The following LRFN2 variants were observed in gnomAD, a reference collection of about 807,000 sequenced individuals.
LRFN2 encodes leucine rich repeat and fibronectin type III domain containing 2.
In LRFN2, 18 loss-of-function variants were observed where a neutral mutation model predicts 37.3. The ratio of observed to expected loss-of-function variants is 0.48; its 90% CI spans 0.33 to 0.72. The LOEUF is 0.72. Ranked by LOEUF, LRFN2 falls within the 30% of genes least tolerant of loss-of-function variation. The pLI is 0.02. For missense variants in LRFN2, 1,006 were observed against 1,060.7 expected (o/e 0.95, Z 0.72); for synonymous variants, 556 against 466.6 (o/e 1.19, Z -2.47).
At chr6:40,544,505 G>A (rs768225698) in intron 1 of LRFN2, among the ~76,000 whole-genome samples, 3 of 152,152 alleles carry the variant, frequency 2.0e-5, no homozygotes, top group Non-Finnish European at 2.9e-5. Context: ...GGGTACTTGA[G>A]CGGCCACAGA....
intron 2 of LRFN2, among the ~76,000 whole-genome samples, chr6:40,424,927 C>T (rs954954645): frequency 7.9e-5 from 12 of 152,346 alleles, no homozygotes; most frequent in Middle Eastern, 3.4e-3. Context: ...TTTTCTCCAC[C>T]CCACAGTAGA....
chr6:40,450,366 G>A (rs1330082269), intron 1 of LRFN2, among the ~76,000 whole-genome samples: 2 of 152,242 alleles, frequency 1.3e-5, no homozygotes, highest in Non-Finnish European at 2.9e-5. Flanking sequence ...TTGGGAGAGA[G>A]GAGTGAAGGC....
chr6:40,484,248 C>G (rs539768908), intron 1 of LRFN2, among the ~76,000 whole-genome samples: 52 of 152,292 alleles, frequency 3.4e-4, no homozygotes, highest in Non-Finnish European at 5.9e-4. Context: ...AGTGTGGTGC[C>G]GATCCAGGAG....
At chr6:40,477,690 C>T (rs558828468) in intron 1 of LRFN2, among the ~76,000 whole-genome samples, 3 of 152,260 alleles carry the variant, frequency 2.0e-5, no homozygotes, top group East Asian at 3.9e-4. Flanking sequence ...GCTAAGCAGC[C>T]AGCTTTGGGC....
intron 2 of LRFN2, among the ~76,000 whole-genome samples, chr6:40,400,401 T>A (rs1278312986): frequency 1.3e-5 from 2 of 150,234 alleles, no homozygotes; most frequent in Non-Finnish European, 3.0e-5. Context: ...TGAGGACATC[T>A]TTCTGGAGAG....
At chr6:40,545,834 C>T (rs1183553535) in intron 1 of LRFN2, among the ~76,000 whole-genome samples, 1 of 152,130 alleles carries the variant, frequency 6.6e-6, no homozygotes, top group Non-Finnish European at 1.5e-5. Flanking sequence ...CTGCCAACAT[C>T]CTTTGGCCCA....
intron 1 of LRFN2, among the ~76,000 whole-genome samples, chr6:40,472,739 T>C (rs1296865531): frequency 6.6e-6 from 1 of 152,084 alleles, no homozygotes; most frequent in African/African-American, 2.4e-5. Flanking sequence ...ATACCCTTTC[T>C]CCCCAGGCCT....
chr6:40,415,265 G>T lies in LRFN2; in HGVS notation c.1400+16449C>A, dbSNP rs60489023. 1.6e-3 allele frequency among the ~76,000 whole-genome samples: 236 copies of T among 151,840 alleles called. 3 individuals are homozygous for T. Among genetic ancestry groups the T allele is most frequent in the African/African-American group, 5.1e-3 (212 of 41,378 alleles). ...GTTTGAGACAGAGTCTTGCTTTGTC[G>T]CCTAGGCTGGAATGCAATGGTGCAA... On this transcript the variant is annotated intron_variant, in intron 2 of 2. Transcript: ENST00000338305.
At chr6:40,424,034 A>C (rs1763289960) in intron 2 of LRFN2, among the ~76,000 whole-genome samples, 2 of 152,146 alleles carry the variant, frequency 1.3e-5, no homozygotes, top group South Asian at 4.1e-4. Flanking sequence ...TGTTCATCCT[A>C]ATCACTACCC....
chr6:40,432,786 T>G lies in LRFN2; in HGVS notation c.328A>C (p.Asn110His). 1 of 1,614,192 alleles carries G rather than the reference T, an allele frequency of 6.2e-7. No homozygotes were observed. The highest frequency in any genetic ancestry group is 8.5e-7 in the Non-Finnish European group (1 of 1,180,024). ...TCCTCCCCAAGGCTTGGCAGCCGAT[T>G]GCTGTCAAGATGCAGGGAGCGGAGG... Reference protein sequence around the residue: ...ESLRSLHLDSNRLPSLGEDTL... With the variant: ...ESLRSLHLDSHRLPSLGEDTL... Residue 110 changes from asparagine (N) to histidine (H), a missense_variant, in exon 2 of 3, where the codon AAT becomes CAT. Around this residue, in one of 4 missense-constraint regions of LRFN2, gnomAD observed 185 missense variants for 254.9 expected, o/e 0.73. Transcript: ENST00000338305.
intron 1 of LRFN2, among the ~76,000 whole-genome samples, chr6:40,487,653 G>C (rs1400413777): frequency 1.3e-5 from 2 of 152,252 alleles, no homozygotes; most frequent in African/African-American, 4.8e-5. Context: ...CTGTGAAACT[G>C]ATGGGGGAAA....
intron 1 of LRFN2, among the ~76,000 whole-genome samples, chr6:40,577,539 C>T (rs919550673): frequency 2.7e-5 from 4 of 149,342 alleles, no homozygotes; most frequent in African/African-American, 9.9e-5. Flanking sequence ...CCCACTAACT[C>T]GTCATCTAGC....
chr6:40,413,524 C>T (rs900929439), intron 2 of LRFN2, among the ~76,000 whole-genome samples: 5 of 152,194 alleles, frequency 3.3e-5, no homozygotes, highest in African/African-American at 1.2e-4. Context: ...GAACCACGAC[C>T]CGGTTTCCTT....
intron 1 of LRFN2, among the ~76,000 whole-genome samples, chr6:40,460,739 C>T (rs1240456901): frequency 6.6e-6 from 1 of 152,080 alleles, no homozygotes; most frequent in East Asian, 1.9e-4. Flanking sequence ...CCTCCATAGC[C>T]CCTGGGATAG....
At chr6:40,519,740 A>G (rs1765996657) in intron 1 of LRFN2, among the ~76,000 whole-genome samples, 1 of 152,234 alleles carries the variant, frequency 6.6e-6, no homozygotes, top group Non-Finnish European at 1.5e-5. Context: ...GGGATAGGAA[A>G]GGTGATGTGT....
Position 40,391,877 on chromosome 6 carries a change from T to C in LRFN2, c.*66A>G. ...ATCACCATGGAAACTCCACAAACACTTGCCAGTGAGATTCTTTCCCCTTCT... is the reference window on the plus strand; with the variant it reads ...ATCACCATGGAAACTCCACAAACACCTGCCAGTGAGATTCTTTCCCCTTCT... On this transcript the variant is annotated 3_prime_UTR_variant, in exon 3 of 3. Transcript: ENST00000338305. The C allele has an allele frequency of 1.4e-6, 2 of 1,451,994 alleles. No individual in the cohort carries two copies. Among genetic ancestry groups the C allele is most frequent in the Non-Finnish European group, 1.8e-6 (2 of 1,091,014 alleles). The allele number at this position is 1,451,994 out of a possible 1,614,324, so 89.9% of individuals were successfully genotyped here. A position where few individuals can be genotyped will look rare whatever the true frequency, so the allele number is the denominator to read the frequency against.
At chr6:40,393,005 G>T in intron 2 of LRFN2, 93 bp from the exon 3 acceptor site, 1 of 873,594 alleles carries the variant, frequency 1.1e-6, no homozygotes. Context: ...GAGTGACAGA[G>T]ATGGGGAGGG....
intron 1 of LRFN2, among the ~76,000 whole-genome samples, chr6:40,544,125 TGA>T (rs758326204): frequency 1.3e-5 from 2 of 152,154 alleles, no homozygotes; most frequent in Non-Finnish European, 2.9e-5. Flanking sequence ...TCTGCACAGC[TGA>T]GAGAAAGAAA....
chr6:40,504,094 G>T (rs767155264), intron 1 of LRFN2, among the ~76,000 whole-genome samples: 1 of 152,184 alleles, frequency 6.6e-6, no homozygotes, highest in Admixed American at 6.5e-5. Flanking sequence ...CTGGGGTAAG[G>T]GCCTCCCTCA....
Sources: allele counts gnomAD v4.1 joint callset (sites outside exome capture counted in the v4.1 genomes callset), GRCh38; gene constraint gnomAD v4.1.1; regional missense constraint gnomAD v4.1.1; transcripts MANE v1.5; gene names NCBI Gene and HGNC (gene_info 2026-07-23, HGNC 2026-07-21).